The following NPAS3 variants were observed in gnomAD, a reference collection of about 807,000 sequenced individuals.
The protein encoded by NPAS3 is neuronal PAS domain protein 3, also known as neuronal PAS domain-containing protein 3.
A neutral mutation model predicts 73.1 loss-of-function variants in NPAS3; 14 were observed. The observed-to-expected ratio is 0.19, with a 90% CI of 0.13 to 0.30. The LOEUF is 0.30. NPAS3 is among the 10% of genes least tolerant of loss of function. NPAS3 has a pLI of 1.00. For missense variants in NPAS3, 1,096 were observed against 1,250.0 expected, an observed-to-expected ratio of 0.88 and a Z score of 1.86; for synonymous variants, 620 against 541.5, an observed-to-expected ratio of 1.14 and a Z score of -2.01.
At chr14:33,124,610 T>G (rs1182843273) in intron 2 of NPAS3, among the ~76,000 whole-genome samples, 3 of 152,116 alleles carry the variant, frequency 2.0e-5, no homozygotes, top group Non-Finnish European at 2.9e-5. Flanking sequence ...ATAAGAAATA[T>G]AGAGAAACAT....
intron 2 of NPAS3, among the ~76,000 whole-genome samples, chr14:33,136,951 A>C (rs1366391155): frequency 6.6e-6 from 1 of 152,092 alleles, no homozygotes; most frequent in Admixed American, 6.5e-5. Flanking sequence ...ATTTCACTTT[A>C]TTTTTCTTCG....
intron 4 of NPAS3, among the ~76,000 whole-genome samples, chr14:33,497,754 A>G (rs1349459488): frequency 6.6e-6 from 1 of 152,178 alleles, no homozygotes; most frequent in Non-Finnish European, 1.5e-5. Context: ...CCTAGAAGAA[A>G]ACCTAGGCAA....
chr14:33,458,571 A>G lies in NPAS3; in HGVS notation c.468+91303A>G, dbSNP rs151337302. 2.8e-3 allele frequency among the ~76,000 whole-genome samples: 427 copies of G among 152,346 alleles called. 1 individual carries two copies. The highest frequency in any genetic ancestry group is 3.2e-3 in the Non-Finnish European group (219 of 68,036). ...TTAAATTCTTGAAGAAGGAAACATA[A>G]CATTAGCATGTTAATTGTCATATCT... is the stretch of plus-strand genomic sequence containing the variant. On this transcript the variant is annotated intron_variant, in intron 4 of 11. Transcript: ENST00000356141.
intron 1 of NPAS3, among the ~76,000 whole-genome samples, chr14:32,984,115 A>G (rs1473865326): frequency 6.6e-6 from 1 of 152,242 alleles, no homozygotes; most frequent in Non-Finnish European, 1.5e-5. Flanking sequence ...GACTAGATTC[A>G]GTATATGTAA....
intron 1 of NPAS3, among the ~76,000 whole-genome samples, chr14:33,008,039 A>G (rs2039060460): frequency 1.3e-5 from 2 of 152,226 alleles, no homozygotes; most frequent in South Asian, 2.1e-4. Context: ...CCTGTATCAT[A>G]TTGTTTACCA....
intron 5 of NPAS3, among the ~76,000 whole-genome samples, chr14:33,573,290 G>A (rs1024938701): frequency 6.6e-6 from 1 of 152,132 alleles, no homozygotes; most frequent in African/African-American, 2.4e-5. Context: ...AAACTGTGCT[G>A]GAAACTGAGG....
At chr14:33,435,004 T>C (rs910828766) in intron 4 of NPAS3, among the ~76,000 whole-genome samples, 2 of 152,124 alleles carry the variant, frequency 1.3e-5, no homozygotes, top group Non-Finnish European at 2.9e-5. Flanking sequence ...GTCAAAAATA[T>C]TGGGAGGGAA....
chr14:33,495,062 G>A (rs576319332), intron 4 of NPAS3, among the ~76,000 whole-genome samples: 1 of 152,124 alleles, frequency 6.6e-6, no homozygotes, highest in East Asian at 1.9e-4. Flanking sequence ...TTTTCATTGT[G>A]GTGTTAGGGC....
chr14:33,751,641 G>C (rs2061965827), intron 7 of NPAS3, among the ~76,000 whole-genome samples: 1 of 152,118 alleles, frequency 6.6e-6, no homozygotes, highest in African/African-American at 2.4e-5. Context: ...GGCGCCCACA[G>C]TTTCCCTTGA....
At chr14:33,613,527 C>T (rs928631104) in intron 5 of NPAS3, among the ~76,000 whole-genome samples, 3 of 152,286 alleles carry the variant, frequency 2.0e-5, no homozygotes, top group Admixed American at 6.5e-5. Context: ...CTTCCCCTCT[C>T]TTCTCTTCAT....
At chr14:33,134,887 T>C (rs2043777571) in intron 2 of NPAS3, among the ~76,000 whole-genome samples, 1 of 151,400 alleles carries the variant, frequency 6.6e-6, no homozygotes, top group African/African-American at 2.4e-5. Context: ...AATATGCTGG[T>C]TAAAGGAGAG....
chr14:33,195,397 A>T (rs1055857270), intron 2 of NPAS3, among the ~76,000 whole-genome samples: 1 of 151,938 alleles, frequency 6.6e-6, no homozygotes, highest in African/African-American at 2.4e-5. Flanking sequence ...CAGCCTCCCA[A>T]ATAGCTGGGA....
At chr14:33,531,631 A>G (rs2054048479) in intron 4 of NPAS3, among the ~76,000 whole-genome samples, 1 of 152,138 alleles carries the variant, frequency 6.6e-6, no homozygotes, top group Admixed American at 6.6e-5. Context: ...CAGAGTTGTT[A>G]TAAATATTTG....
intron 4 of NPAS3, among the ~76,000 whole-genome samples, chr14:33,451,702 G>A (rs1159893471): frequency 6.6e-6 from 1 of 151,968 alleles, no homozygotes; most frequent in Non-Finnish European, 1.5e-5. Flanking sequence ...GTAAATCTTG[G>A]GCCTGTTATC....
chr14:33,276,265 G>A (rs1284183269), intron 3 of NPAS3, among the ~76,000 whole-genome samples: 4 of 152,136 alleles, frequency 2.6e-5, no homozygotes, highest in African/African-American at 9.7e-5. Flanking sequence ...CACGGGAGTA[G>A]TGAGGATGGG....
At chr14:33,163,859 A>T (rs1324267688) in intron 2 of NPAS3, among the ~76,000 whole-genome samples, 2 of 152,194 alleles carry the variant, frequency 1.3e-5, no homozygotes, top group African/African-American at 2.4e-5. Context: ...GCTAATACTG[A>T]GCTGTTCCAC....
chr14:33,313,314 G>A (rs1297674461), intron 3 of NPAS3, among the ~76,000 whole-genome samples: 1 of 152,060 alleles, frequency 6.6e-6, no homozygotes, highest in South Asian at 2.1e-4. Flanking sequence ...GGATATTCAA[G>A]TTCTGACACA....
At chr14:33,773,162 T>C (rs549855073) in intron 7 of NPAS3, among the ~76,000 whole-genome samples, 1 of 152,332 alleles carries the variant, frequency 6.6e-6, no homozygotes, top group East Asian at 1.9e-4. Flanking sequence ...ATATTGTTCC[T>C]GGGAGGCACG....
At chr14:33,665,311 G>A (rs1185889693) in intron 5 of NPAS3, among the ~76,000 whole-genome samples, 1 of 152,194 alleles carries the variant, frequency 6.6e-6, no homozygotes, top group Admixed American at 6.5e-5. Context: ...CGGGGGCTAG[G>A]GGAGGGATAG....
Sources: gnomAD v4.1 joint callset for allele counts (sites outside exome capture counted in the v4.1 genomes callset) on GRCh38, gnomAD v4.1.1 for gene constraint, MANE v1.5 for transcripts, NCBI Gene and HGNC (gene_info 2026-07-23, HGNC 2026-07-21) for gene names.